INSYN2B: variants seen among roughly 807,000 people sequenced by gnomAD.
The protein encoded by INSYN2B is protein INSYN2B.
A neutral mutation model predicts 41.2 loss-of-function variants in INSYN2B; 16 were observed. The ratio of observed to expected loss-of-function variants is 0.39; its 90% CI spans 0.26 to 0.59. The LOEUF is 0.59. INSYN2B is among the 20% of genes least tolerant of loss of function. The probability of loss-of-function intolerance (pLI) is 0.57; values close to 1 mark genes in which losing one functional copy is unlikely to be tolerated. For missense variants in INSYN2B, 608 were observed against 646.4 expected (o/e 0.94, Z 0.64); for synonymous variants, 245 against 244.4 (o/e 1.00, Z -0.02).
intron 3 of INSYN2B, among the ~76,000 whole-genome samples, chr5:169,880,380 T>G (rs1198869720): frequency 6.6e-6 from 1 of 152,200 alleles, no homozygotes; most frequent in Non-Finnish European, 1.5e-5. Flanking sequence ...AATGAGAAGT[T>G]TTAAAAGAAG....
At chr5:169,928,045 GT>G (rs1477387677) in intron 1 of INSYN2B, among the ~76,000 whole-genome samples, 4 of 152,210 alleles carry the variant, frequency 2.6e-5, no homozygotes, top group Non-Finnish European at 5.9e-5. Context: ...TAAACAGGTG[GT>G]AGAGAGGGTA....
chr5:169,899,754 G>A (rs1233934622), intron 1 of INSYN2B, among the ~76,000 whole-genome samples: 3 of 152,158 alleles, frequency 2.0e-5, no homozygotes, highest in African/African-American at 7.2e-5. Context: ...TACAAAGACT[G>A]CATAACACAT....
intron 1 of INSYN2B, among the ~76,000 whole-genome samples, chr5:169,928,935 TATTA>T (rs1197084048): frequency 3.3e-5 from 5 of 152,230 alleles, no homozygotes; most frequent in Non-Finnish European, 1.5e-5. Flanking sequence ...ATAACTGCGC[TATTA>T]ATTATGCCAA....
intron 1 of INSYN2B, among the ~76,000 whole-genome samples, chr5:169,929,382 C>T (rs950931868): frequency 5.9e-5 from 9 of 151,842 alleles, no homozygotes; most frequent in African/African-American, 2.2e-4. Flanking sequence ...AAAGCGAATC[C>T]CGGCAAACGA....
At chr5:169,906,177 C>A (rs978186950) in intron 1 of INSYN2B, among the ~76,000 whole-genome samples, 8 of 152,168 alleles carry the variant, frequency 5.3e-5, no homozygotes, top group Non-Finnish European at 1.2e-4. Flanking sequence ...ACATGCCAGG[C>A]ATTGTGCCCG....
intron 3 of INSYN2B, among the ~76,000 whole-genome samples, chr5:169,868,670 A>G (rs1222220748): frequency 6.6e-6 from 1 of 152,128 alleles, no homozygotes; most frequent in Non-Finnish European, 1.5e-5. Flanking sequence ...AGGTGAGAGG[A>G]TCACTTCAGC....
intron 1 of INSYN2B, among the ~76,000 whole-genome samples, chr5:169,973,069 C>T (rs542481065): frequency 6.6e-6 from 1 of 152,288 alleles, no homozygotes; most frequent in South Asian, 2.1e-4. Context: ...CTTCACTCCT[C>T]TTCACTCCTC....
intron 1 of INSYN2B, among the ~76,000 whole-genome samples, chr5:169,896,786 G>C (rs1057392160): frequency 3.3e-5 from 5 of 152,210 alleles, no homozygotes; most frequent in Non-Finnish European, 5.9e-5. Flanking sequence ...CTCACAGTGG[G>C]TGTGGGAGTC....
intron 1 of INSYN2B, among the ~76,000 whole-genome samples, chr5:169,954,308 T>C (rs1470660548): frequency 6.6e-6 from 1 of 152,256 alleles, no homozygotes; most frequent in Non-Finnish European, 1.5e-5. Context: ...TTAAGTGTAA[T>C]AAAATTTTTA....
intron 1 of INSYN2B, among the ~76,000 whole-genome samples, chr5:169,930,865 A>T (rs1250380063): frequency 6.6e-6 from 1 of 152,086 alleles, no homozygotes; most frequent in African/African-American, 2.4e-5. Context: ...TTCTTCTCAC[A>T]TTCACAACAA....
intron 3 of INSYN2B, among the ~76,000 whole-genome samples, chr5:169,867,198 T>C (rs1771618937): frequency 6.6e-6 from 1 of 152,230 alleles, no homozygotes; most frequent in African/African-American, 2.4e-5. Flanking sequence ...CTCCAGGGTA[T>C]GGGCAGGACC....
At chr5:169,900,627 C>A (rs541838968) in intron 1 of INSYN2B, among the ~76,000 whole-genome samples, 1 of 152,280 alleles carries the variant, frequency 6.6e-6, no homozygotes, top group East Asian at 1.9e-4. Flanking sequence ...CTCCTTCATG[C>A]ACTACTTCTA....
rs1379854346 is a variant in INSYN2B at position 169,883,041 on chromosome 5, A to G, written c.858T>C (p.Asp286=). The G allele has an allele frequency of 1.9e-6, 3 of 1,551,652 alleles. No individual in the cohort carries two copies. Among genetic ancestry groups the G allele is most frequent in the Non-Finnish European group, 2.6e-6 (3 of 1,146,940 alleles). ...ATGACAGTGAGCCAAGGTCTTTGTC[A>G]TCTGAGTTGTCTTTGGGCAAAAGCA... ...PELLLPKDNS[D]DKDLGSLSSQ... Residue 286 remains aspartate (D), a synonymous_variant, in exon 2 of 4, where the codon GAT becomes GAC. Transcript: ENST00000377365.
At chr5:169,915,875 A>T (rs1206901861) in intron 1 of INSYN2B, among the ~76,000 whole-genome samples, 1 of 152,172 alleles carries the variant, frequency 6.6e-6, no homozygotes, top group African/African-American at 2.4e-5. Context: ...TCCCCATAGC[A>T]AATCTGATTA....
At position 169,863,817 on chromosome 5, in the gene INSYN2B, A is replaced by G. The variant is rs1771359508; in HGVS notation, c.*456T>C. 6.6e-6 allele frequency among the ~76,000 whole-genome samples: 1 copy of G among 152,088 alleles called. No individual in the cohort carries two copies. Among genetic ancestry groups the G allele is most frequent in the African/African-American group, 2.4e-5 (1 of 41,402 alleles). ...TCTTAGAAAACTGCCAGTTTATCTC[A>G]TTTTTTTCTATGGTACCTGCTTATA... On this transcript the variant is annotated 3_prime_UTR_variant, in exon 4 of 4. Transcript: ENST00000377365.
intron 1 of INSYN2B, among the ~76,000 whole-genome samples, chr5:169,919,011 G>A (rs1168297093): frequency 1.3e-5 from 2 of 152,218 alleles, no homozygotes; most frequent in South Asian, 2.1e-4. Context: ...CAAGGGTTAT[G>A]TTGGATAGAA....
At chr5:169,972,226 A>C (rs1240829615) in intron 1 of INSYN2B, among the ~76,000 whole-genome samples, 3 of 152,146 alleles carry the variant, frequency 2.0e-5, no homozygotes, top group Non-Finnish European at 2.9e-5. Context: ...TTCTACCCTC[A>C]TAGATTGTTC....
chr5:169,975,574 C>T (rs1243253146), intron 1 of INSYN2B, among the ~76,000 whole-genome samples: 1 of 152,204 alleles, frequency 6.6e-6, no homozygotes, highest in Non-Finnish European at 1.5e-5. Flanking sequence ...TTTGCATCTA[C>T]TGTTCTGCCA....
At chr5:169,921,126 G>A (rs1031158100) in intron 1 of INSYN2B, among the ~76,000 whole-genome samples, 2 of 152,184 alleles carry the variant, frequency 1.3e-5, no homozygotes, top group African/African-American at 4.8e-5. Context: ...GTAGGGTGAT[G>A]GTCAGTAGGA....
Sources: gnomAD v4.1 joint callset for allele counts (sites outside exome capture counted in the v4.1 genomes callset) on GRCh38, gnomAD v4.1.1 for gene constraint, MANE v1.5 for transcripts, NCBI Gene and HGNC (gene_info 2026-07-23, HGNC 2026-07-21) for gene names.